SLC44A5: variants seen among roughly 807,000 people sequenced by gnomAD.
The protein encoded by SLC44A5 is choline transporter-like protein 5.
SLC44A5 carries 57 observed loss-of-function variants against 101.8 expected under a neutral mutation model. That is an observed-to-expected ratio of 0.56 (90% confidence interval 0.45 to 0.70). The LOEUF is 0.70. Among genes scored for constraint, SLC44A5 ranks in the 30% least tolerant of loss-of-function variants. The pLI is 0.00. For synonymous variants in SLC44A5, 281 were observed against 290.9 expected, an observed-to-expected ratio of 0.97 and a Z score of 0.35; for missense variants, 737 against 853.1, an observed-to-expected ratio of 0.86 and a Z score of 1.70.
At chr1:75,302,664 T>C (rs1187020351) in intron 4 of SLC44A5, among the ~76,000 whole-genome samples, 2 of 152,170 alleles carry the variant, frequency 1.3e-5, no homozygotes, top group South Asian at 2.1e-4. Context: ...CAATAACTAA[T>C]AATAAAATAG....
chr1:75,455,694 A>C (rs1310757594), intron 2 of SLC44A5, among the ~76,000 whole-genome samples: 3 of 152,100 alleles, frequency 2.0e-5, no homozygotes, highest in African/African-American at 7.2e-5. Flanking sequence ...AAAAGTAGGC[A>C]AAAGACATGA....
At chr1:75,388,420 A>G (rs1052680487) in intron 3 of SLC44A5, among the ~76,000 whole-genome samples, 14 of 150,128 alleles carry the variant, frequency 9.3e-5, no homozygotes, top group African/African-American at 3.3e-4. Flanking sequence ...ACTACAAAGT[A>G]TCCAGCTAAC....
At chr1:75,260,854 C>T (rs979358062) in intron 6 of SLC44A5, among the ~76,000 whole-genome samples, 5 of 152,128 alleles carry the variant, frequency 3.3e-5, no homozygotes, top group Admixed American at 1.3e-4. Flanking sequence ...CAAATTAGAA[C>T]TCAGGACTAA....
At chr1:75,603,086 T>C (rs542044265) in intron 1 of SLC44A5, among the ~76,000 whole-genome samples, 1 of 152,148 alleles carries the variant, frequency 6.6e-6, no homozygotes, top group Admixed American at 6.6e-5. Context: ...GTCACCTAGG[T>C]ACTGAGCATA....
intron 2 of SLC44A5, among the ~76,000 whole-genome samples, chr1:75,500,622 C>T (rs569205214): frequency 2.6e-5 from 4 of 152,278 alleles, no homozygotes; most frequent in African/African-American, 9.6e-5. Flanking sequence ...AGAACCATTA[C>T]ACATTTTAGG....
At chr1:75,631,599 T>G in the SLC44A5 span, among the ~76,000 whole-genome samples, 1 of 136,148 alleles carries the variant, frequency 7.3e-6, no homozygotes, top group African/African-American at 2.8e-5. Flanking sequence ...CAGGCTGGAG[T>G]GCAATGTCGC....
the SLC44A5 span, among the ~76,000 whole-genome samples, chr1:75,636,111 T>C: frequency 6.6e-6 from 1 of 151,998 alleles, no homozygotes; most frequent in Non-Finnish European, 1.5e-5. Flanking sequence ...ATCATTTCAC[T>C]CTCTACATCC....
chr1:75,485,704 T>C (rs1668114786), intron 2 of SLC44A5, among the ~76,000 whole-genome samples: 1 of 152,216 alleles, frequency 6.6e-6, no homozygotes, highest in South Asian at 2.1e-4. Context: ...TTAGTCCTTT[T>C]TCACACTGTG....
At chr1:75,681,497 A>G in the SLC44A5 span, among the ~76,000 whole-genome samples, 1 of 151,388 alleles carries the variant, frequency 6.6e-6, no homozygotes, top group African/African-American at 2.4e-5. Flanking sequence ...ACAGAGCCAA[A>G]GACAAAAACC....
intron 5 of SLC44A5, among the ~76,000 whole-genome samples, chr1:75,284,845 C>T (rs1046741159): frequency 9.9e-5 from 15 of 152,188 alleles, no homozygotes; most frequent in African/African-American, 3.6e-4. Context: ...ATCCCTGAAT[C>T]TCTGGTATGA....
chr1:75,295,931 C>A (rs1003807853), intron 5 of SLC44A5, among the ~76,000 whole-genome samples: 2 of 151,988 alleles, frequency 1.3e-5, no homozygotes, highest in Non-Finnish European at 2.9e-5. Context: ...ATTATTGCCC[C>A]AAAACAATAA....
At chr1:75,214,805 T>G in intron 19 of SLC44A5, 127 bp from the exon 20 acceptor site, 2 of 698,322 alleles carry the variant, frequency 2.9e-6, no homozygotes, top group Non-Finnish European at 4.8e-6. Flanking sequence ...CACTCTTTTT[T>G]CTAATGTGTA....
intron 4 of SLC44A5, among the ~76,000 whole-genome samples, chr1:75,334,982 C>A (rs1657329901): frequency 6.6e-6 from 1 of 152,160 alleles, no homozygotes; most frequent in South Asian, 2.1e-4. Flanking sequence ...ATGAGCTCCA[C>A]TACATACAGC....
intron 2 of SLC44A5, among the ~76,000 whole-genome samples, chr1:75,493,392 T>C (rs903628674): frequency 6.6e-6 from 1 of 152,202 alleles, no homozygotes; most frequent in African/African-American, 2.4e-5. Flanking sequence ...TGAATACATG[T>C]GTATCATCAA....
intron 3 of SLC44A5, among the ~76,000 whole-genome samples, chr1:75,372,543 T>C (rs1246252253): frequency 6.7e-6 from 1 of 149,832 alleles, no homozygotes; most frequent in Non-Finnish European, 1.5e-5. Context: ...TATAGTGAAG[T>C]GAATTTTTTC....
chr1:75,302,104 GTTTTTTTGT>G (rs1654502205), intron 4 of SLC44A5, among the ~76,000 whole-genome samples: 4 of 49,612 alleles, frequency 8.1e-5, no homozygotes, highest in Admixed American at 2.9e-4. Context: ...AGGTGCTCTA[GTTTTTTTGT>G]TTTTTTTTTT....
At chr1:75,367,036 T>C (rs1184575300) in intron 3 of SLC44A5, among the ~76,000 whole-genome samples, 1 of 152,240 alleles carries the variant, frequency 6.6e-6, no homozygotes, top group Non-Finnish European at 1.5e-5. Context: ...CATCATTTCT[T>C]TGATGTCAGT....
At position 75,228,644 on chromosome 1, in the gene SLC44A5, G is replaced by A. The variant is rs949730747; in HGVS notation, c.854-787C>T. The stretch of plus-strand genomic sequence containing the variant: ...CTATACTTCTTTTCTTCCAATTCTT[G>A]TCTTTTAAAAATTGATGATTTTTTG... On this transcript the variant is annotated intron_variant, in intron 12 of 23. Coordinates refer to ENST00000370859, the MANE Select transcript of SLC44A5 (RefSeq NM_001130058.2). Among the ~76,000 whole-genome samples, 3 of 151,346 alleles carry A rather than the reference G, an allele frequency of 2.0e-5. No individual in the cohort carries two copies. In the South Asian group the frequency reaches 6.3e-4, roughly 32 times the overall value.
chr1:75,570,182 G>C (rs1320499497), intron 1 of SLC44A5, among the ~76,000 whole-genome samples: 1 of 152,222 alleles, frequency 6.6e-6, no homozygotes, highest in Non-Finnish European at 1.5e-5. Context: ...CAGGCTAAGA[G>C]CTACAGGTGC....
Sources: allele counts gnomAD v4.1 joint callset (sites outside exome capture counted in the v4.1 genomes callset), GRCh38; gene constraint gnomAD v4.1.1; transcripts MANE v1.5; gene names NCBI Gene and HGNC (gene_info 2026-07-23, HGNC 2026-07-21).